The following FBLN1 variants were observed in gnomAD, a reference collection of about 807,000 sequenced individuals.
FBLN1 encodes the protein fibulin-1.
In FBLN1, 34 loss-of-function variants were observed where a neutral mutation model predicts 89.7. That is an observed-to-expected ratio of 0.38 (90% CI 0.29 to 0.50). The LOEUF is 0.50. Ranked by LOEUF, FBLN1 falls within the 20% of genes least tolerant of loss-of-function variation. FBLN1 has a pLI of 0.92. For synonymous variants in FBLN1, 393 were observed against 391.3 expected, an observed-to-expected ratio of 1.00 and a Z score of -0.05; for missense variants, 777 against 988.1, an observed-to-expected ratio of 0.79 and a Z score of 2.86.
At chr22:45,548,464 C>A in intron 12 of FBLN1, 149 bp from the exon 13 acceptor site, 1 of 1,021,352 alleles carries the variant, frequency 9.8e-7, no homozygotes, top group Non-Finnish European at 1.4e-6. Context: ...CCTCTCTGAG[C>A]ACGATGGTCT....
Position 45,550,804 on chromosome 22 carries a change from A to C in FBLN1, c.1697+189A>C, listed in dbSNP as rs2088692245. On this transcript the variant is annotated intron_variant, in intron 14 of 16. Coordinates refer to ENST00000327858, the MANE Select transcript of FBLN1 (RefSeq NM_006486.3). This position sits in a 1 kb window ranked among gnomAD's most constrained non-coding sequence, Gnocchi z 8.4. ...TAGTGACACTGGTCTCGGAAAGTCA[A>C]GGGGGTAACTGCAAATGAGTCTGGG... is the stretch of plus-strand genomic sequence containing the variant. 4 of 774,806 alleles carry C rather than the reference A, an allele frequency of 5.2e-6. No individual in the cohort carries two copies. The Admixed American group carries it at 6.1e-5, about 12-fold the overall frequency. 48.0% of individuals were successfully genotyped at this position (774,806 alleles called of 1,614,324 possible).
chr22:45,531,374 G>A lies in FBLN1; in HGVS notation c.544+50G>A, dbSNP rs2088405348. 6.5e-7 allele frequency: 1 copy of A among 1,533,710 alleles called. No homozygotes were observed. Among genetic ancestry groups the A allele is most frequent in the Non-Finnish European group, 9.0e-7 (1 of 1,107,326 alleles). ...GTTGGTATTTAAACAAACCCCAAGG[G>A]GCCAGCAAGGTGGCTCAGGCCTGTA... On this transcript the variant is annotated intron_variant, in intron 5 of 16. Transcript: ENST00000327858. This position sits in a 1 kb window ranked among gnomAD's most constrained non-coding sequence, Gnocchi z 4.9.
chr22:45,563,498 C>A lies in FBLN1; in HGVS notation c.1698-11013C>A. 1.2e-6 allele frequency: 1 copy of A among 840,486 alleles called. No individual in the cohort carries two copies. Among genetic ancestry groups the A allele is most frequent in the African/African-American group, 1.7e-5 (1 of 58,506 alleles). The allele number at this position is 840,486 out of a possible 1,614,324, so 52.1% of individuals were successfully genotyped here. On this transcript the variant is annotated intron_variant, in intron 14 of 16. Coordinates refer to ENST00000327858, the MANE Select transcript of FBLN1 (RefSeq NM_006486.3). This position sits in a 1 kb window ranked among gnomAD's most constrained non-coding sequence, Gnocchi z 5.7. The stretch of plus-strand genomic sequence containing the variant: ...AGCGCTCCCCACTAGAGGGTGTGTG[C>A]TCGGGGGTCCCTGTTCACAGAGCCC...
Position 45,600,408 on chromosome 22 carries a change from G to A in FBLN1, c.2074G>A (p.Val692Ile). 1 of 1,614,222 alleles carries A rather than the reference G, an allele frequency of 6.2e-7. No homozygotes were observed. Among genetic ancestry groups the A allele is most frequent in the Non-Finnish European group, 8.5e-7 (1 of 1,180,052 alleles). The part of the protein sequence containing the change: ...VGGVVSHRNV[V>I]NVHIFVSEYW... The stretch of plus-strand genomic sequence containing the variant: ...GGGCGTGGTCTCCCACCGAAATGTT[G>A]TCAACGTCCACATCTTCGTCTCTGA... Residue 692 changes from valine to isoleucine, a missense_variant, in exon 17 of 17, where the codon GTC becomes ATC. Val to Ile is a conservative substitution (Grantham distance 29). Transcript: ENST00000327858.
At chr22:45,596,570 TTA>T (rs1415737850) in intron 16 of FBLN1, among the ~76,000 whole-genome samples, 2 of 128,614 alleles carry the variant, frequency 1.6e-5, no homozygotes, top group African/African-American at 8.3e-5. Context: ...AATATGATAA[TTA>T]TATATACATA....
chr22:45,554,530 A>C (rs957167493), intron 14 of FBLN1, among the ~76,000 whole-genome samples: 4 of 152,250 alleles, frequency 2.6e-5, no homozygotes, highest in African/African-American at 9.6e-5. Flanking sequence ...AAGTAAATGC[A>C]AGGCCTCCTG....
At chr22:45,518,852 A>G in intron 2 of FBLN1, 65 bp downstream of exon 2, 2 of 1,382,856 alleles carry the variant, frequency 1.4e-6, no homozygotes, top group East Asian at 5.0e-5. Flanking sequence ...TGGGGGAGGA[A>G]GGGACAGTGT....
chr22:45,584,209 G>C (rs2089066039), intron 16 of FBLN1, among the ~76,000 whole-genome samples: 1 of 152,192 alleles, frequency 6.6e-6, no homozygotes, highest in South Asian at 2.1e-4. Context: ...ACAACACCCA[G>C]GCTTTTCCAT....
At chr22:45,535,916 G>A (rs997124274) in intron 8 of FBLN1, among the ~76,000 whole-genome samples, 1 of 152,212 alleles carries the variant, frequency 6.6e-6, no homozygotes, top group African/African-American at 2.4e-5. Flanking sequence ...GGCACAGTGG[G>A]TCACGCCTGT....
intron 16 of FBLN1, among the ~76,000 whole-genome samples, chr22:45,591,377 G>A (rs1033703392): frequency 6.6e-6 from 1 of 151,892 alleles, no homozygotes; most frequent in African/African-American, 2.4e-5. Flanking sequence ...TTAGTCCAAA[G>A]CTGACATTTC....
At chr22:45,567,114 G>A (rs2088907055) in intron 14 of FBLN1, among the ~76,000 whole-genome samples, 2 of 152,234 alleles carry the variant, frequency 1.3e-5, no homozygotes, top group Admixed American at 1.3e-4. Flanking sequence ...AGGCAGCCTG[G>A]GCTGGGATCT....
chr22:45,524,682 T>C (rs1472161676), intron 2 of FBLN1, among the ~76,000 whole-genome samples: 1 of 149,306 alleles, frequency 6.7e-6, no homozygotes, highest in Non-Finnish European at 1.5e-5. Flanking sequence ...AGCAGGAACA[T>C]TGTGCGGGTG....
At chr22:45,534,729 C>T (rs937883696) in intron 7 of FBLN1, among the ~76,000 whole-genome samples, 1 of 152,202 alleles carries the variant, frequency 6.6e-6, no homozygotes, top group Non-Finnish European at 1.5e-5. Flanking sequence ...ACACATTTGA[C>T]CATTTGACAG....
rs80682 is a variant in FBLN1, at chr22:45,533,511, G to A, written c.647-250G>A. Among the ~76,000 whole-genome samples the A allele has an allele frequency of 0.83, 125,951 of 152,170 alleles. 52,272 individuals carry two copies. Among genetic ancestry groups the A allele is most frequent in the South Asian group, 0.86 (4,123 of 4,822 alleles). On this transcript the variant is annotated intron_variant, in intron 6 of 16. Coordinates refer to ENST00000327858, the MANE Select transcript of FBLN1 (RefSeq NM_006486.3). ...GAGATGGAGAAGATGCTGCCCCTCC[G>A]TGGGGTTCTTGAGGACCACATAACT...
At chr22:45,584,189 A>C (rs2089065867) in intron 16 of FBLN1, among the ~76,000 whole-genome samples, 1 of 152,182 alleles carries the variant, frequency 6.6e-6, no homozygotes, top group Non-Finnish European at 1.5e-5. Context: ...ACATAGGATG[A>C]GAAGCCGGCA....
rs772159802 is a variant in FBLN1, at chr22:45,574,096, C to T, written c.1698-415C>T. On this transcript the variant is annotated intron_variant, in intron 14 of 16. Coordinates refer to ENST00000327858, the MANE Select transcript of FBLN1 (RefSeq NM_006486.3). This position sits in a 1 kb window ranked among gnomAD's most constrained non-coding sequence, Gnocchi z 4.1. Reference sequence around the variant, plus strand: ...CCCTGCTGCCCAGCCTCACTGTGGGCTCTGAGAAGGCGGGACCATGTGTCC... The same window carrying T: ...CCCTGCTGCCCAGCCTCACTGTGGGTTCTGAGAAGGCGGGACCATGTGTCC... Among the ~76,000 whole-genome samples the T allele has an allele frequency of 4.6e-5, 7 of 152,216 alleles. No individual in the cohort carries two copies. The highest frequency in any genetic ancestry group is 7.3e-5 in the Non-Finnish European group (5 of 68,036).
intron 1 of FBLN1, among the ~76,000 whole-genome samples, chr22:45,511,151 T>C (rs1327083955): frequency 1.5e-5 from 2 of 136,062 alleles, no homozygotes; most frequent in African/African-American, 5.3e-5. Context: ...TCATCAATCT[T>C]CCCCCATTTT....
chr22:45,524,716 C>T (rs192742733), intron 2 of FBLN1, among the ~76,000 whole-genome samples: 4 of 152,236 alleles, frequency 2.6e-5, no homozygotes, highest in South Asian at 2.1e-4. Flanking sequence ...AGAGGAGTGA[C>T]GCGGCCACTC....
In FBLN1 at chr22:45,549,024, C is replaced by G. The variant is rs79092016; in HGVS notation, c.1573+280C>G. Among the ~76,000 whole-genome samples, 805 of 152,312 alleles carry G rather than the reference C, an allele frequency of 5.3e-3. 6 individuals carry two copies. Among genetic ancestry groups the G allele is most frequent in the African/African-American group, 0.016 (670 of 41,572 alleles). On this transcript the variant is annotated intron_variant, in intron 13 of 16. Coordinates refer to ENST00000327858, the MANE Select transcript of FBLN1 (RefSeq NM_006486.3). This position sits in a 1 kb window ranked among gnomAD's most constrained non-coding sequence, Gnocchi z 5.7. The stretch of plus-strand genomic sequence containing the variant: ...AACACTTCAGCCCTCCTCCCCTCCC[C>G]TCAGCAGCCCCGTAAAGGCTGGAAC...
Sources: gnomAD v4.1 joint callset for allele counts (sites outside exome capture counted in the v4.1 genomes callset) on GRCh38, gnomAD v4.1.1 for gene constraint, Gnocchi (gnomAD v3.1) non-coding constraint, MANE v1.5 for transcripts, NCBI Gene and HGNC (gene_info 2026-07-23, HGNC 2026-07-21) for gene names.